ZNF837: variants seen among roughly 807,000 people sequenced by gnomAD.
ZNF837 encodes the protein zinc finger protein 837.
For synonymous variants in ZNF837, 475 were observed against 365.2 expected (o/e 1.30, Z -3.43); for missense variants, 955 against 801.7 (o/e 1.19, Z -2.31).
In ZNF837 at chr19:58,369,002, G is replaced by A. The variant is rs1412502991; in HGVS notation, c.331C>T (p.Arg111Trp). 7 of 1,518,076 alleles carry A rather than the reference G, an allele frequency of 4.6e-6. No individual in the cohort carries two copies. The highest frequency in any genetic ancestry group is 4.2e-5 in the African/African-American group (3 of 72,098). The allele number at this position is 1,518,076 out of a possible 1,614,324, so 94.0% of individuals were successfully genotyped here. ...ELVIPEGLQA[R>W]EGPCRSPARG... The stretch of plus-strand genomic sequence containing the variant: ...GCTGGGCTCCTACAGGGGCCCTCCC[G>A]GGCTTGCAGCCCCTCGGGGATAACC... Residue 111 changes from arginine to tryptophan, a missense_variant, in exon 3 of 3, where the codon CGG (arginine) becomes TGG (tryptophan). Coordinates refer to ENST00000597582, the MANE Select transcript of ZNF837 (RefSeq NM_138466.2).
chr19:58,367,625 T>A lies in ZNF837; in HGVS notation c.*112A>T. On this transcript the variant is annotated 3_prime_UTR_variant, in exon 3 of 3. Coordinates refer to ENST00000597582, the MANE Select transcript of ZNF837 (RefSeq NM_138466.2). ...AGGGGAAGCCTGTGGACGCCATGTG[T>A]ACAAAGTGAAGTTTAATCAAAGTTA... 7.3e-7 allele frequency: 1 copy of A among 1,366,196 alleles called. No individual in the cohort carries two copies. The highest frequency in any genetic ancestry group is 9.6e-7 in the Non-Finnish European group (1 of 1,042,572). 84.6% of individuals were successfully genotyped at this position (1,366,196 alleles called of 1,614,324 possible). A position where few individuals can be genotyped will look rare whatever the true frequency, so the allele number is the denominator to read the frequency against.
At chr19:58,374,799 T>C (rs1405288229) in intron 1 of ZNF837, among the ~76,000 whole-genome samples, 2 of 151,754 alleles carry the variant, frequency 1.3e-5, no homozygotes, top group Non-Finnish European at 2.9e-5. Flanking sequence ...CCGGGTGTGG[T>C]GGCACATTCC....
Position 58,368,745 on chromosome 19 carries a change from C to T in ZNF837, c.588G>A (p.Gln196=), listed in dbSNP as rs2052169008. The T allele has an allele frequency of 1.9e-6, 3 of 1,539,020 alleles. No homozygotes were observed. Among genetic ancestry groups the T allele is most frequent in the African/African-American group, 1.4e-5 (1 of 73,022 alleles). The change falls in exon 3 of 3, where the codon CAG becomes CAA. Residue 196 remains glutamine, a synonymous_variant. Coordinates refer to ENST00000597582, the MANE Select transcript of ZNF837 (RefSeq NM_138466.2). ...CCTCGCCGCACGCGCAAGCCCGGGGCTGCTCCACCAAGGGGTTCCTCCCGC... is the reference window on the plus strand; with the variant it reads ...CCTCGCCGCACGCGCAAGCCCGGGGTTGCTCCACCAAGGGGTTCCTCCCGC... The part of the protein sequence containing the change: ...TSRGRNPLVE[Q]PRACACGEAF...
intron 1 of ZNF837, among the ~76,000 whole-genome samples, chr19:58,377,553 G>A (rs2052259517): frequency 6.6e-6 from 1 of 151,932 alleles, no homozygotes; most frequent in African/African-American, 2.4e-5. Flanking sequence ...TGGGATGATC[G>A]CTTGAGCCTG....
At chr19:58,376,554 C>CAAAAAAA (rs59075587) in intron 1 of ZNF837, among the ~76,000 whole-genome samples, 18 of 67,792 alleles carry the variant, frequency 2.7e-4, no homozygotes, top group African/African-American at 5.8e-4. Flanking sequence ...GACTCTGTCT[C>CAAAAAAA]AAAAAAAAAA....
intron 1 of ZNF837, among the ~76,000 whole-genome samples, chr19:58,373,350 C>T (rs908512999): frequency 6.6e-6 from 1 of 152,230 alleles, no homozygotes; most frequent in African/African-American, 2.4e-5. Context: ...CTCAAGGAGG[C>T]ATGCTTGGAA....
At position 58,367,951 on chromosome 19, in the gene ZNF837, TC is replaced by T. The variant is rs2052152177; in HGVS notation, c.1381del (p.Glu461SerfsTer?). 6.5e-7 allele frequency: 1 copy of T among 1,533,326 alleles called. No homozygotes were observed. Among genetic ancestry groups the T allele is most frequent in the Admixed American group, 2.0e-5 (1 of 50,662 alleles). The allele number at this position is 1,533,326 out of a possible 1,614,324, so 95.0% of individuals were successfully genotyped here. A position where few individuals can be genotyped will look rare whatever the true frequency, so the allele number is the denominator to read the frequency against. ...GTGCAGGCGCTCGTGCTGGCGCAGCTCGGAGCAGCCGCGGAAGGTCTTTCCG... is the reference window on the plus strand; with the variant it reads ...GTGCAGGCGCTCGTGCTGGCGCAGCTGGAGCAGCCGCGGAAGGTCTTTCCG... ...ECGKTFRGCSELRQHERLHSG... is the reference protein window; with the variant it reads ...ECGKTFRGCSXLRQHERLHSG... On this transcript the variant is annotated frameshift_variant, in exon 3 of 3. Transcript: ENST00000597582. LOFTEE classifies it low-confidence loss of function (END_TRUNC).
rs2052285664 is a variant in ZNF837 at position 58,380,972 on chromosome 19, C to T, written c.-171G>A. The stretch of plus-strand genomic sequence containing the variant: ...GAGGCGGCCCGCACGGGTCCCTGGT[C>T]CCCGCCCCGCATGCAGCGCGGAGCC... On this transcript the variant is annotated 5_prime_UTR_variant, in exon 1 of 3. Transcript: ENST00000597582. 6.6e-6 allele frequency: 1 copy of T among 152,164 alleles called. No individual in the cohort carries two copies. The highest frequency in any genetic ancestry group is 1.5e-5 in the Non-Finnish European group (1 of 68,028). 9.4% of individuals were successfully genotyped at this position (152,164 alleles called of 1,614,324 possible).
At position 58,368,222 on chromosome 19, in the gene ZNF837, C is replaced by A; in HGVS notation, c.1111G>T (p.Ala371Ser). ...KPYECADCAK[A>S]FGLFSHLVEH... ...ACGAGGTGCGAGAACAGCCCGAAGG[C>A]CTTGGCGCAGTCGGCGCACTCGTAC... Residue 371 changes from alanine (A) to serine (S), a missense_variant, in exon 3 of 3, where the codon GCC (alanine) becomes TCC (serine). By Grantham distance (99) the Ala-to-Ser change is moderately conservative. Transcript: ENST00000597582. 6.5e-7 allele frequency: 1 copy of A among 1,531,762 alleles called. No individual in the cohort carries two copies. The highest frequency in any genetic ancestry group is 2.4e-5 in the East Asian group (1 of 41,160). The allele number at this position is 1,531,762 out of a possible 1,614,324, so 94.9% of individuals were successfully genotyped here.
intron 1 of ZNF837, among the ~76,000 whole-genome samples, chr19:58,375,493 G>A (rs2052237645): frequency 6.6e-6 from 1 of 151,420 alleles, no homozygotes. Flanking sequence ...TGTCACCCAA[G>A]CTGGAGTGCA....
chr19:58,374,760 C>G (rs1568568049), intron 1 of ZNF837, among the ~76,000 whole-genome samples: 1 of 151,940 alleles, frequency 6.6e-6, no homozygotes, highest in Non-Finnish European at 1.5e-5. Context: ...ATGTCGAAAC[C>G]CCATCTCTGC....
At chr19:58,374,701 C>A (rs1320719839) in intron 1 of ZNF837, among the ~76,000 whole-genome samples, 6 of 152,082 alleles carry the variant, frequency 3.9e-5, no homozygotes, top group Non-Finnish European at 8.8e-5. Flanking sequence ...CTTTGGGAGG[C>A]GAAGGTGGGA....
intron 1 of ZNF837, among the ~76,000 whole-genome samples, chr19:58,376,158 A>T (rs1168246628): frequency 1.3e-5 from 2 of 152,000 alleles, no homozygotes; most frequent in Non-Finnish European, 2.9e-5. Context: ...GCCTCAAGTG[A>T]TCCCCCTGCC....
Position 58,368,767 on chromosome 19 carries a change from C to T in ZNF837, c.566G>A (p.Gly189Glu). The change falls in exon 3 of 3, where the codon GGG (glycine) becomes GAG (glutamate). Residue 189 changes from glycine to glutamate, a missense_variant. Gly to Glu is a moderately conservative substitution (Grantham distance 98). Transcript: ENST00000597582. ...CPRTPKPTSRGRNPLVEQPRA... is the reference protein window; with the variant it reads ...CPRTPKPTSRERNPLVEQPRA... ...GGGCTGCTCCACCAAGGGGTTCCTC[C>T]CGCGGGAGGTCGGCTTTGGGGTCCT... The T allele has an allele frequency of 6.5e-7, 1 of 1,542,006 alleles. No individual in the cohort carries two copies. The highest frequency in any genetic ancestry group is 2.4e-5 in the East Asian group (1 of 40,880).
rs1372669064 is a variant in ZNF837 at position 58,367,727 on chromosome 19, C to T, written c.*10G>A. The stretch of plus-strand genomic sequence containing the variant: ...GCTTGGGCGACGCGTCGACTCTCGG[C>T]TCCCTGCAGTCAAGGCGCGGCGCGG... On this transcript the variant is annotated 3_prime_UTR_variant, in exon 3 of 3. Transcript: ENST00000597582. 6.7e-7 allele frequency: 1 copy of T among 1,499,330 alleles called. No individual in the cohort carries two copies. The highest frequency in any genetic ancestry group is 8.8e-7 in the Non-Finnish European group (1 of 1,130,866). 92.9% of individuals were successfully genotyped at this position (1,499,330 alleles called of 1,614,324 possible). A position where few individuals can be genotyped will look rare whatever the true frequency, so the allele number is the denominator to read the frequency against.
In ZNF837 at chr19:58,367,990, C is replaced by A. The variant is rs529446883; in HGVS notation, c.1343G>T (p.Gly448Val). The change falls in exon 3 of 3, where the codon GGC becomes GTC. Residue 448 changes from glycine (G) to valine (V), a missense_variant. Coordinates refer to ENST00000597582, the MANE Select transcript of ZNF837 (RefSeq NM_138466.2). The part of the protein sequence containing the change: ...QRAHTGERPY[G>V]CSECGKTFRG... ...GAAGGTCTTTCCGCACTCGGAGCAG[C>A]CATAGGGCCGCTCGCCGGTGTGCGC... is the stretch of plus-strand genomic sequence containing the variant. 6.5e-7 allele frequency: 1 copy of A among 1,531,486 alleles called. No individual in the cohort carries two copies. Among genetic ancestry groups the A allele is most frequent in the Non-Finnish European group, 8.7e-7 (1 of 1,143,758 alleles). The allele number at this position is 1,531,486 out of a possible 1,614,324, so 94.9% of individuals were successfully genotyped here.
intron 2 of ZNF837, 93 bp from the exon 3 acceptor site, chr19:58,369,454 C>A: frequency 3.6e-6 from 4 of 1,110,492 alleles, no homozygotes; most frequent in Non-Finnish European, 4.6e-6. Context: ...CAGCTGGCAC[C>A]TACTGGGCGG....
chr19:58,376,690 A>G (rs566027108), intron 1 of ZNF837, among the ~76,000 whole-genome samples: 1 of 152,276 alleles, frequency 6.6e-6, no homozygotes, highest in East Asian at 1.9e-4. Flanking sequence ...AGTCAACTGC[A>G]TACCAGAGTA....
chr19:58,374,475 A>G (rs6510142), intron 1 of ZNF837, among the ~76,000 whole-genome samples: 15,649 of 152,206 alleles, frequency 0.1, 1,020 homozygotes, highest in East Asian at 0.34. Flanking sequence ...TATATCCAGA[A>G]TAGGCAAATC....
Sources: gnomAD v4.1 joint callset for allele counts (sites outside exome capture counted in the v4.1 genomes callset) on GRCh38, gnomAD v4.1.1 for gene constraint, MANE v1.5 for transcripts, NCBI Gene and HGNC (gene_info 2026-07-23, HGNC 2026-07-21) for gene names.